The following SMIM35 variants were observed in gnomAD, a reference collection of about 807,000 sequenced individuals.
SMIM35 encodes the protein small integral membrane protein 35, also known as TMPRSS4 antisense RNA 1 (non-protein coding).
At position 118,056,085 on chromosome 11, in the gene SMIM35, T is replaced by C. The variant is rs77444720; in HGVS notation, c.7+30666A>G. On this transcript the variant is annotated intron_variant, in intron 1 of 4. Coordinates refer to ENST00000689828, the MANE Select transcript of SMIM35 (RefSeq NM_001394165.1). Reference sequence around the variant, plus strand: ...AGATCACGGTTCCCTTAAGGTTCCATGTGGCCAGGTAGTGGCCGACGATCA... The same window carrying C: ...AGATCACGGTTCCCTTAAGGTTCCACGTGGCCAGGTAGTGGCCGACGATCA... Among the ~76,000 whole-genome samples, 746 of 152,218 alleles carry C rather than the reference T, an allele frequency of 4.9e-3. 32 individuals are homozygous for C. In the East Asian group the frequency reaches 0.1, roughly 21 times the overall value.
chr11:118,009,251 G>T (rs2058138712), intron 4 of SMIM35, among the ~76,000 whole-genome samples: 1 of 152,214 alleles, frequency 6.6e-6, no homozygotes, highest in Non-Finnish European at 1.5e-5. Context: ...CTGGAGGGAG[G>T]AGTATGTTCT....
Position 118,020,894 on chromosome 11 carries a change from CT to C in SMIM35, c.8-5086del, listed in dbSNP as rs1429159687. ...TGTATTTGATGCTCTAAATTTACCC[CT>C]AAGCATCACTTTAGCTTCATTTTAT... On this transcript the variant is annotated intron_variant, in intron 1 of 4. Transcript: ENST00000689828. 5.3e-5 allele frequency among the ~76,000 whole-genome samples: 8 copies of C among 152,258 alleles called. No homozygotes were observed. The South Asian group carries it at 1.2e-3, about 24-fold the overall frequency.
intron 1 of SMIM35, among the ~76,000 whole-genome samples, chr11:118,060,614 C>T (rs995728240): frequency 6.6e-6 from 1 of 152,148 alleles, no homozygotes; most frequent in African/African-American, 2.4e-5. Context: ...CTAGGCTTAG[C>T]ATCCTGTGTT....
rs553022403 is a variant in SMIM35, at chr11:118,011,549, G to A, written c.*33+2199C>T. 1.4e-4 allele frequency among the ~76,000 whole-genome samples: 22 copies of A among 152,168 alleles called. No individual in the cohort carries two copies. In the South Asian group the frequency reaches 2.3e-3, roughly 16 times the overall value. The stretch of plus-strand genomic sequence containing the variant: ...TGTACTAAAAATATAAAAGTTAGTC[G>A]GGCATGATGGCGCACACCTGTAACC... On this transcript the variant is annotated intron_variant, in intron 4 of 4. Coordinates refer to ENST00000689828, the MANE Select transcript of SMIM35 (RefSeq NM_001394165.1).
chr11:118,024,015 CAA>C (rs34791559), intron 1 of SMIM35, among the ~76,000 whole-genome samples: 12 of 134,328 alleles, frequency 8.9e-5, no homozygotes, highest in African/African-American at 8.2e-5. Context: ...ATGCCTTCTC[CAA>C]AAAAAAAAAA....
At chr11:118,051,014 A>G (rs908436375) in intron 1 of SMIM35, among the ~76,000 whole-genome samples, 2 of 152,222 alleles carry the variant, frequency 1.3e-5, no homozygotes, top group African/African-American at 4.8e-5. Context: ...TTAGTAAAGC[A>G]GGAGAGACAG....
chr11:118,081,919 A>G (rs1441463829), intron 1 of SMIM35, among the ~76,000 whole-genome samples: 1 of 152,164 alleles, frequency 6.6e-6, no homozygotes, highest in African/African-American at 2.4e-5. Context: ...CACACTCCAG[A>G]CAAAGCCTGA....
intron 1 of SMIM35, among the ~76,000 whole-genome samples, chr11:118,073,429 G>C (rs2135145488): frequency 1.3e-5 from 2 of 152,316 alleles, no homozygotes; most frequent in South Asian, 4.1e-4. Flanking sequence ...GGAGGATTCA[G>C]GTTTTGAGAG....
chr11:118,060,754 G>T (rs1270844123), intron 1 of SMIM35, among the ~76,000 whole-genome samples: 1 of 152,124 alleles, frequency 6.6e-6, no homozygotes, highest in Non-Finnish European at 1.5e-5. Context: ...CCAGCTCCAG[G>T]TTCCCTGGAA....
intron 1 of SMIM35, among the ~76,000 whole-genome samples, chr11:118,058,495 T>A (rs1944348782): frequency 6.6e-6 from 1 of 152,060 alleles, no homozygotes; most frequent in Admixed American, 6.5e-5. Flanking sequence ...CAAGAAGAAA[T>A]GACGGGGCGA....
In SMIM35 at chr11:118,028,053, C is replaced by T. The variant is rs541543408; in HGVS notation, c.8-12244G>A. On this transcript the variant is annotated intron_variant, in intron 1 of 4. Transcript: ENST00000689828. ...AAGACAATCCTTTACATCCCCTTTTCCTCCCTGCTTCGCTGTCCCTCTGGA... is the reference window on the plus strand; with the variant it reads ...AAGACAATCCTTTACATCCCCTTTTTCTCCCTGCTTCGCTGTCCCTCTGGA... Among the ~76,000 whole-genome samples the T allele has an allele frequency of 2.0e-5, 3 of 152,346 alleles. No individual in the cohort carries two copies. The South Asian group carries it at 6.2e-4, about 32-fold the overall frequency.
intron 1 of SMIM35, among the ~76,000 whole-genome samples, chr11:118,035,070 G>A (rs1304743406): frequency 6.6e-6 from 1 of 151,402 alleles, no homozygotes; most frequent in African/African-American, 2.4e-5. Flanking sequence ...TGGTGCCTCC[G>A]CCTCCTGAGT....
chr11:118,029,513 G>T (rs1275207736), intron 1 of SMIM35: 1 of 383,700 alleles, frequency 2.6e-6, no homozygotes, highest in Non-Finnish European at 5.1e-6. Flanking sequence ...TTGCCAGCTG[G>T]GGGAAGTTCT....
intron 1 of SMIM35, among the ~76,000 whole-genome samples, chr11:118,075,066 A>G (rs1370790788): frequency 6.6e-6 from 1 of 152,230 alleles, no homozygotes; most frequent in Non-Finnish European, 1.5e-5. Flanking sequence ...AGGTAAAGCA[A>G]TGCAAACCTG....
intron 1 of SMIM35, among the ~76,000 whole-genome samples, chr11:118,078,279 T>C (rs533184725): frequency 3.1e-4 from 47 of 152,184 alleles, no homozygotes; most frequent in African/African-American, 1.1e-3. Context: ...CCAGGGGTCT[T>C]CCTTCTCCAG....
intron 1 of SMIM35, among the ~76,000 whole-genome samples, chr11:118,071,161 A>C (rs548462206): frequency 6.6e-6 from 1 of 152,304 alleles, no homozygotes; most frequent in South Asian, 2.1e-4. Context: ...TGTCAGACTC[A>C]TGCCTGTCTT....
chr11:118,038,953 G>T (rs1943956404), intron 1 of SMIM35, among the ~76,000 whole-genome samples: 1 of 152,166 alleles, frequency 6.6e-6, no homozygotes, highest in African/African-American at 2.4e-5. Flanking sequence ...AGGAGAGGGG[G>T]TGGAGCAGAG....
chr11:118,070,690 A>G (rs886272644), intron 1 of SMIM35, among the ~76,000 whole-genome samples: 1 of 152,216 alleles, frequency 6.6e-6, no homozygotes, highest in African/African-American at 2.4e-5. Flanking sequence ...AAATTAGTTC[A>G]TTGCCTAATT....
intron 1 of SMIM35, among the ~76,000 whole-genome samples, chr11:118,022,329 G>T (rs138727468): frequency 0.03 from 4,494 of 152,246 alleles, 201 homozygotes; most frequent in African/African-American, 0.1. Flanking sequence ...GATTACAGGC[G>T]TGAGCCACCG....
Sources: gnomAD v4.1 joint callset for allele counts (sites outside exome capture counted in the v4.1 genomes callset) on GRCh38, gnomAD v4.1.1 for gene constraint, MANE v1.5 for transcripts, NCBI Gene and HGNC (gene_info 2026-07-23, HGNC 2026-07-21) for gene names.